The following PLPP4 variants were observed in gnomAD, a reference collection of about 807,000 sequenced individuals.
The protein encoded by PLPP4 is diacylglycerol pyrophosphate like 2.
PLPP4 carries 20 observed loss-of-function variants against 32.2 expected under a neutral mutation model. The ratio of observed to expected loss-of-function variants is 0.62; its 90% CI spans 0.44 to 0.90. PLPP4 has a LOEUF of 0.90. Ranked by LOEUF, PLPP4 falls within the 40% of genes least tolerant of loss-of-function variation. The probability of loss-of-function intolerance (pLI) is 0.00; values close to 1 mark genes in which losing one functional copy is unlikely to be tolerated. For missense variants in PLPP4, 257 were observed against 353.1 expected, an observed-to-expected ratio of 0.73 and a Z score of 2.18; for synonymous variants, 127 against 133.0, an observed-to-expected ratio of 0.95 and a Z score of 0.31.
At chr10:120,497,412 G>A (rs950701033) in intron 1 of PLPP4, among the ~76,000 whole-genome samples, 20 of 151,854 alleles carry the variant, frequency 1.3e-4, no homozygotes, top group African/African-American at 4.3e-4. Context: ...TTAATTTCAG[G>A]CAGTGTGTAT....
chr10:120,458,959 A>G (rs548201338), intron 1 of PLPP4, among the ~76,000 whole-genome samples: 1 of 152,340 alleles, frequency 6.6e-6, no homozygotes, highest in South Asian at 2.1e-4. Flanking sequence ...CTCTTACACT[A>G]TCTCACTATC....
chr10:120,476,265 ACTCTTT>A (rs1467697912), intron 1 of PLPP4, among the ~76,000 whole-genome samples: 1 of 151,296 alleles, frequency 6.6e-6, no homozygotes, highest in African/African-American at 2.4e-5. Flanking sequence ...AGCTCTTTGG[ACTCTTT>A]TCCATAAGTT....
chr10:120,535,843 A>G (rs187884934), intron 5 of PLPP4, among the ~76,000 whole-genome samples: 3 of 152,252 alleles, frequency 2.0e-5, no homozygotes, highest in East Asian at 3.9e-4. Context: ...GACTTAAATT[A>G]TAAAGGGATT....
In PLPP4 at chr10:120,467,679, C is replaced by T. The variant is rs369020871; in HGVS notation, c.56+10318C>T. ...TCAACAGAAAAATAGGCAACAGATA[C>T]GAGCAGAAAACTAACAAAAGTTCAT... On this transcript the variant is annotated intron_variant, in intron 1 of 6. Transcript: ENST00000398250. Among the ~76,000 whole-genome samples, 2 of 65,106 alleles carry T rather than the reference C, an allele frequency of 3.1e-5. 1 individual carries two copies. The highest frequency in any genetic ancestry group is 1.3e-3 in the South Asian group (2 of 1,548). 42.7% of individuals were successfully genotyped at this position (65,106 alleles called of 152,430 possible).
At chr10:120,525,370 T>C (rs1353810060) in intron 5 of PLPP4, among the ~76,000 whole-genome samples, 1 of 152,184 alleles carries the variant, frequency 6.6e-6, no homozygotes, top group Non-Finnish European at 1.5e-5. Context: ...TCTATTACAG[T>C]ATAAAAAGGG....
At chr10:120,512,841 G>C (rs1845786274) in intron 2 of PLPP4, among the ~76,000 whole-genome samples, 1 of 152,086 alleles carries the variant, frequency 6.6e-6, no homozygotes, top group Admixed American at 6.6e-5. Flanking sequence ...TAAAAAAGAA[G>C]AGCATATTCC....
intron 6 of PLPP4, among the ~76,000 whole-genome samples, chr10:120,582,274 TTC>T (rs1849545987): frequency 6.6e-6 from 1 of 152,248 alleles, no homozygotes; most frequent in Non-Finnish European, 1.5e-5. Context: ...GGGAGGATCC[TTC>T]TCTGCCTCTT....
intron 6 of PLPP4, chr10:120,580,819 G>A: frequency 1.7e-6 from 2 of 1,204,912 alleles, no homozygotes. Flanking sequence ...CCAGCCCTGG[G>A]TAGAACAAAA....
intron 6 of PLPP4, chr10:120,581,057 C>A (rs1849486071): frequency 7.8e-7 from 1 of 1,284,354 alleles, no homozygotes; most frequent in African/African-American, 1.5e-5. Flanking sequence ...CTGGCTCACC[C>A]CTCCCTCCGG....
intron 5 of PLPP4, among the ~76,000 whole-genome samples, chr10:120,538,702 C>T (rs1847186194): frequency 6.6e-6 from 1 of 152,152 alleles, no homozygotes; most frequent in Non-Finnish European, 1.5e-5. Context: ...ACATTCTAGC[C>T]ACCCTGTCCT....
At chr10:120,509,630 T>C (rs1734638777) in intron 2 of PLPP4, among the ~76,000 whole-genome samples, 1 of 152,188 alleles carries the variant, frequency 6.6e-6, no homozygotes, top group Non-Finnish European at 1.5e-5. Context: ...CAACCCAGTC[T>C]GGGAGTCTTG....
chr10:120,481,440 T>C (rs763262466), intron 1 of PLPP4, among the ~76,000 whole-genome samples: 8 of 152,168 alleles, frequency 5.3e-5, no homozygotes, highest in Non-Finnish European at 8.8e-5. Flanking sequence ...TATGTACTGC[T>C]TGCTTGGTAG....
chr10:120,530,706 G>C (rs1161585066), intron 5 of PLPP4, among the ~76,000 whole-genome samples: 1 of 152,196 alleles, frequency 6.6e-6, no homozygotes, highest in Non-Finnish European at 1.5e-5. Context: ...TGAGGTCTGT[G>C]TTTAACATTG....
At chr10:120,481,281 G>A (rs1357924848) in intron 1 of PLPP4, among the ~76,000 whole-genome samples, 1 of 152,196 alleles carries the variant, frequency 6.6e-6, no homozygotes, top group African/African-American at 2.4e-5. Context: ...AAAAGGATGT[G>A]GTGAGGACTG....
At chr10:120,519,171 A>G (rs563640478) in intron 4 of PLPP4, among the ~76,000 whole-genome samples, 1 of 152,268 alleles carries the variant, frequency 6.6e-6, no homozygotes, top group South Asian at 2.1e-4. Flanking sequence ...TTCCCCTGCC[A>G]GCCCAGGGCC....
intron 5 of PLPP4, among the ~76,000 whole-genome samples, chr10:120,552,024 C>T (rs1365991706): frequency 6.6e-6 from 1 of 152,098 alleles, no homozygotes; most frequent in East Asian, 1.9e-4. Context: ...ATTTGCCCCC[C>T]AGAACTGAGC....
chr10:120,583,073 G>A (rs1338731824), intron 6 of PLPP4, among the ~76,000 whole-genome samples: 2 of 152,010 alleles, frequency 1.3e-5, no homozygotes. Flanking sequence ...GAGTTTGCCA[G>A]AGCTGACTTT....
chr10:120,499,246 G>A (rs921101055), intron 1 of PLPP4, among the ~76,000 whole-genome samples: 23 of 152,078 alleles, frequency 1.5e-4, no homozygotes, highest in African/African-American at 4.6e-4. Context: ...AGTCCTCTAC[G>A]CTGAATGGCT....
At position 120,503,921 on chromosome 10, in the gene PLPP4, A is replaced by G. The variant is rs1045504758; in HGVS notation, c.160A>G (p.Met54Val). ...ATCAGATAACATACCTACCCGCCTC[A>G]TGTTTGTAAGTACCATGATTTCATT... ...VQSDNIPTRLMFAISFLTPLA... is the reference protein window; with the variant it reads ...VQSDNIPTRLVFAISFLTPLA... The change falls in exon 2 of 7, where the codon ATG (methionine) becomes GTG (valine). Residue 54 changes from methionine to valine, a missense_variant. Coordinates refer to ENST00000398250, the MANE Select transcript of PLPP4 (RefSeq NM_001030059.3). 8.2e-6 allele frequency: 13 copies of G among 1,592,836 alleles called. No homozygotes were observed. Among genetic ancestry groups the G allele is most frequent in the Non-Finnish European group, 1.1e-5 (13 of 1,160,780 alleles).
Sources: allele counts gnomAD v4.1 joint callset (sites outside exome capture counted in the v4.1 genomes callset), GRCh38; gene constraint gnomAD v4.1.1; transcripts MANE v1.5; gene names NCBI Gene and HGNC (gene_info 2026-07-23, HGNC 2026-07-21).